CDH13: variants seen among roughly 807,000 people sequenced by gnomAD.
CDH13 encodes cadherin 13, also known as cadherin-13.
CDH13 carries 24 observed loss-of-function variants against 63.8 expected under a neutral mutation model. That is an observed-to-expected ratio of 0.38 (90% CI 0.27 to 0.53). The LOEUF (loss-of-function observed/expected upper bound fraction) is 0.53, where lower values mean the gene tolerates loss of function less well. Among genes scored for constraint, CDH13 ranks in the 20% least tolerant of loss-of-function variants. CDH13 has a pLI of 0.85. For missense variants in CDH13, 1,049 were observed against 903.1 expected, an observed-to-expected ratio of 1.16 and a Z score of -2.07; for synonymous variants, 503 against 355.3, an observed-to-expected ratio of 1.42 and a Z score of -4.67.
chr16:82,750,463 A>T (rs980960595), intron 1 of CDH13, among the ~76,000 whole-genome samples: 4 of 152,140 alleles, frequency 2.6e-5, no homozygotes, highest in African/African-American at 7.2e-5. Context: ...ATGGACTCAC[A>T]GAAGAGAACA....
chr16:82,842,141 CATAT>C (rs1170008694), intron 1 of CDH13, among the ~76,000 whole-genome samples: 837 of 62,286 alleles, frequency 0.013, 36 homozygotes, highest in African/African-American at 0.041. Context: ...TATATATACA[CATAT>C]ATATATATAT....
At chr16:83,215,564 T>C (rs1469458122) in intron 4 of CDH13, among the ~76,000 whole-genome samples, 2 of 150,490 alleles carry the variant, frequency 1.3e-5, no homozygotes, top group Non-Finnish European at 2.9e-5. Flanking sequence ...GTAAAGTTCA[T>C]GCTGCCTTAG....
At chr16:82,797,058 C>T (rs188735951) in intron 1 of CDH13, among the ~76,000 whole-genome samples, 4 of 152,344 alleles carry the variant, frequency 2.6e-5, no homozygotes, top group Admixed American at 2.0e-4. Context: ...ATGTACTTGT[C>T]ATGAGTTATT....
At chr16:82,853,094 A>G (rs2039558412) in intron 1 of CDH13, among the ~76,000 whole-genome samples, 1 of 152,180 alleles carries the variant, frequency 6.6e-6, no homozygotes, top group Non-Finnish European at 1.5e-5. Flanking sequence ...GCATACATTT[A>G]GGGTAGTGGC....
intron 7 of CDH13, among the ~76,000 whole-genome samples, chr16:83,573,590 T>TGCAC (rs1467689098): frequency 6.6e-6 from 1 of 152,196 alleles, no homozygotes; most frequent in Admixed American, 6.5e-5. Flanking sequence ...AAGGGGCCTA[T>TGCAC]GCACAGTTGC....
intron 7 of CDH13, among the ~76,000 whole-genome samples, chr16:83,489,090 C>T (rs2073955415): frequency 6.6e-6 from 1 of 152,204 alleles, no homozygotes; most frequent in Non-Finnish European, 1.5e-5. Flanking sequence ...GATCCTTTCA[C>T]AAGAAAAAGA....
At chr16:83,311,767 G>A (rs1391087517) in intron 5 of CDH13, among the ~76,000 whole-genome samples, 3 of 152,070 alleles carry the variant, frequency 2.0e-5, no homozygotes, top group African/African-American at 4.8e-5. Flanking sequence ...CAAATTCTAC[G>A]CATCTTCCTA....
chr16:82,873,972 T>G (rs2040424170), intron 2 of CDH13, among the ~76,000 whole-genome samples: 1 of 152,156 alleles, frequency 6.6e-6, no homozygotes, highest in Admixed American at 6.5e-5. Flanking sequence ...GTTAAAAACA[T>G]ACTCTATGAA....
chr16:82,770,794 G>T (rs1425119556), intron 1 of CDH13, among the ~76,000 whole-genome samples: 1 of 151,888 alleles, frequency 6.6e-6, no homozygotes, highest in Non-Finnish European at 1.5e-5. Context: ...TGCAACCTCC[G>T]CCTCCCAAGT....
rs141582186 is a variant in CDH13, at chr16:82,772,271, C to G, written c.46-86091C>G. 4.0e-3 allele frequency among the ~76,000 whole-genome samples: 609 copies of G among 152,204 alleles called. 7 individuals are homozygous for G. The highest frequency in any genetic ancestry group is 0.014 in the African/African-American group (578 of 41,518). ...GAAGTGTTCAGTAAATATTTACTGG[C>G]ATACTACCGGAGCTGCTGGCCTTTG... On this transcript the variant is annotated intron_variant, in intron 1 of 13. Coordinates refer to ENST00000567109, the MANE Select transcript of CDH13 (RefSeq NM_001257.5).
chr16:83,615,406 T>C (rs1909201106), intron 8 of CDH13, among the ~76,000 whole-genome samples: 2 of 152,258 alleles, frequency 1.3e-5, no homozygotes, highest in Non-Finnish European at 2.9e-5. Flanking sequence ...TCCAAGACAT[T>C]TTAAGTACCA....
intron 10 of CDH13, among the ~76,000 whole-genome samples, chr16:83,679,478 C>G (rs1371814460): frequency 6.6e-6 from 1 of 152,218 alleles, no homozygotes; most frequent in East Asian, 1.9e-4. Context: ...TACTTTAGAG[C>G]AAGCCGGTGG....
chr16:82,817,442 T>C (rs942607388), intron 1 of CDH13, among the ~76,000 whole-genome samples: 4 of 152,116 alleles, frequency 2.6e-5, no homozygotes, highest in Admixed American at 2.0e-4. Context: ...ATGATAAATA[T>C]AACAGTGACA....
rs542214570 is a variant in CDH13, at chr16:82,641,936, C to A, written c.45+14799C>A. Among the ~76,000 whole-genome samples the A allele has an allele frequency of 7.2e-5, 11 of 152,146 alleles. No individual in the cohort carries two copies. The East Asian group carries it at 1.5e-3, about 21-fold the overall frequency. On this transcript the variant is annotated intron_variant, in intron 1 of 13. Transcript: ENST00000567109. ...AGAAAGCAGGCGAGGGGGTAGATAGCGACAGGCAGAGGTCATGGCGCTTGC... is the reference window on the plus strand; with the variant it reads ...AGAAAGCAGGCGAGGGGGTAGATAGAGACAGGCAGAGGTCATGGCGCTTGC...
rs1173636265 is a variant in CDH13, at chr16:83,131,182, ACCCCCCCCCCC to A, written c.483+5690_483+5700del. Reference sequence around the variant, plus strand: ...GGTGGGGAGTATAAGGGGGTGTATGACCCCCCCCCCCCCCCCCCCGCCCACAGACACACACA... The same window carrying A: ...GGTGGGGAGTATAAGGGGGTGTATGACCCCCCCCGCCCACAGACACACACA... On this transcript the variant is annotated intron_variant, in intron 4 of 13. Transcript: ENST00000567109. Among the ~76,000 whole-genome samples, 7 of 86,350 alleles carry A rather than the reference ACCCCCCCCCCC, an allele frequency of 8.1e-5. No individual in the cohort carries two copies. The East Asian group carries it at 1.6e-3, about 20-fold the overall frequency. The allele number at this position is 86,350 out of a possible 152,430, so 56.6% of individuals were successfully genotyped here.
chr16:82,640,110 T>C (rs118056513), intron 1 of CDH13, among the ~76,000 whole-genome samples: 1,860 of 152,292 alleles, frequency 0.012, 28 homozygotes, highest in Middle Eastern at 0.02. Flanking sequence ...TAAATAAATA[T>C]GGTAGTTTTG....
intron 5 of CDH13, among the ~76,000 whole-genome samples, chr16:83,289,951 A>T (rs1015995208): frequency 5.9e-5 from 9 of 152,194 alleles, no homozygotes; most frequent in Non-Finnish European, 1.0e-4. Context: ...AAGCAGAACA[A>T]GACTCTTCCT....
At chr16:83,027,967 C>T (rs1915970706) in intron 2 of CDH13, among the ~76,000 whole-genome samples, 2 of 152,140 alleles carry the variant, frequency 1.3e-5, no homozygotes, top group African/African-American at 4.8e-5. Context: ...CAGCATCTAG[C>T]ATAATGTAGG....
intron 1 of CDH13, among the ~76,000 whole-genome samples, chr16:82,801,253 C>A (rs1887872500): frequency 6.6e-6 from 1 of 152,174 alleles, no homozygotes. Flanking sequence ...AAGCCATTTC[C>A]CACTCTGCTA....
Sources: allele counts gnomAD v4.1 joint callset (sites outside exome capture counted in the v4.1 genomes callset), GRCh38; gene constraint gnomAD v4.1.1; transcripts MANE v1.5; gene names NCBI Gene and HGNC (gene_info 2026-07-23, HGNC 2026-07-21).